The following SSPN variants were observed in gnomAD, a reference collection of about 807,000 sequenced individuals.
SSPN encodes the protein K-ras oncogene-associated protein.
SSPN carries 15 observed loss-of-function variants against 19.1 expected under a neutral mutation model. The observed-to-expected ratio is 0.78, with a 90% CI of 0.52 to 1.21. The LOEUF (loss-of-function observed/expected upper bound fraction) is 1.21. Among genes scored for constraint, SSPN ranks in the 50% most tolerant of loss-of-function variants. The pLI, the probability that SSPN is intolerant of heterozygous loss-of-function variation, is 0.00. For synonymous variants in SSPN, 147 were observed against 140.3 expected, an observed-to-expected ratio of 1.05 and a Z score of -0.34; for missense variants, 291 against 314.0, an observed-to-expected ratio of 0.93 and a Z score of 0.55.
chr12:26,206,752 C>T (rs1591880972), intron 1 of SSPN, among the ~76,000 whole-genome samples: 1 of 152,298 alleles, frequency 6.6e-6, no homozygotes, highest in Non-Finnish European at 1.5e-5. Flanking sequence ...TCTGCCCCTC[C>T]TGTTGATTCA....
At chr12:26,218,349 GA>G (rs1565691762) in intron 1 of SSPN, among the ~76,000 whole-genome samples, 1 of 16,002 alleles carries the variant, frequency 6.2e-5, no homozygotes, top group African/African-American at 2.7e-4. Context: ...GGGGAGGGGG[GA>G]GGGGGGAGGG....
chr12:26,151,087 G>C (rs1461040812), intron 1 of SSPN, among the ~76,000 whole-genome samples: 1 of 152,058 alleles, frequency 6.6e-6, no homozygotes, highest in Non-Finnish European at 1.5e-5. Context: ...TTTTCGGGTG[G>C]AACTTAGGGA....
intron 1 of SSPN, among the ~76,000 whole-genome samples, chr12:26,217,790 T>C (rs1945071514): frequency 6.6e-6 from 1 of 151,844 alleles, no homozygotes; most frequent in Non-Finnish European, 1.5e-5. Flanking sequence ...CATGAAAGGT[T>C]GTTGAATTTT....
intron 1 of SSPN, among the ~76,000 whole-genome samples, chr12:26,154,958 G>A (rs1944547132): frequency 6.6e-6 from 1 of 152,152 alleles, no homozygotes; most frequent in South Asian, 2.1e-4. Context: ...TAATGACAGA[G>A]AAAACAATCT....
chr12:26,165,647 T>G (rs1944616287), intron 1 of SSPN, among the ~76,000 whole-genome samples: 1 of 152,228 alleles, frequency 6.6e-6, no homozygotes, highest in Non-Finnish European at 1.5e-5. Flanking sequence ...CATGAAATTT[T>G]GAGTTAGTTT....
intron 1 of SSPN, among the ~76,000 whole-genome samples, chr12:26,198,419 A>G (rs752259763): frequency 1.3e-5 from 2 of 152,228 alleles, no homozygotes; most frequent in African/African-American, 2.4e-5. Context: ...CTTTACTAAC[A>G]AAATCAGAAT....
intron 1 of SSPN, among the ~76,000 whole-genome samples, chr12:26,166,204 G>T (rs1037386169): frequency 1.3e-5 from 2 of 151,994 alleles, no homozygotes; most frequent in African/African-American, 4.8e-5. Flanking sequence ...AAACCACCAT[G>T]GCACGTGTAT....
Position 26,231,552 on chromosome 12 carries a change from C to T in SSPN, c.*476C>T, listed in dbSNP as rs1158356717. 1 of 154,408 alleles carries T rather than the reference C, an allele frequency of 6.5e-6. No individual in the cohort carries two copies. The highest frequency in any genetic ancestry group is 1.4e-5 in the Non-Finnish European group (1 of 69,728). 9.6% of individuals were successfully genotyped at this position (154,408 alleles called of 1,614,324 possible). On this transcript the variant is annotated 3_prime_UTR_variant, in exon 3 of 3. Coordinates refer to ENST00000242729, the MANE Select transcript of SSPN (RefSeq NM_005086.5). ...AGACAGGCAGGAGGTGGGGGAAGAGCTGAATCTCTTTATTTTCCCTGGTAG... is the reference window on the plus strand; with the variant it reads ...AGACAGGCAGGAGGTGGGGGAAGAGTTGAATCTCTTTATTTTCCCTGGTAG...
intron 1 of SSPN, among the ~76,000 whole-genome samples, chr12:26,147,267 G>GTTT (rs1272390154): frequency 7.6e-6 from 1 of 132,120 alleles, no homozygotes; most frequent in African/African-American, 2.5e-5. Flanking sequence ...AATTTTTGGG[G>GTTT]TTTTTTTTGT....
At chr12:26,215,190 C>G (rs1348311839) in intron 1 of SSPN, among the ~76,000 whole-genome samples, 1 of 152,066 alleles carries the variant, frequency 6.6e-6, no homozygotes, top group Admixed American at 6.6e-5. Context: ...AGAGTGATAC[C>G]TAGATTAGGG....
chr12:26,196,001 G>T, intron 1 of SSPN, 50 bp downstream of exon 1: 1 of 1,386,150 alleles, frequency 7.2e-7, no homozygotes, highest in Non-Finnish European at 9.5e-7. Flanking sequence ...ACAGGAATGC[G>T]AAGTCGCATG....
At chr12:26,166,440 A>C (rs1944621720) in intron 1 of SSPN, among the ~76,000 whole-genome samples, 1 of 152,226 alleles carries the variant, frequency 6.6e-6, no homozygotes, top group Admixed American at 6.5e-5. Flanking sequence ...CAAAATTACC[A>C]GCTAAAAAAC....
chr12:26,173,661 A>G (rs868395906), intron 1 of SSPN, among the ~76,000 whole-genome samples: 2 of 152,310 alleles, frequency 1.3e-5, no homozygotes, highest in Middle Eastern at 3.4e-3. Context: ...ATGTTCAATC[A>G]TCGTCTTTTA....
At chr12:26,122,484 G>C in intron 1 of SSPN, 1 of 1,332,634 alleles carries the variant, frequency 7.5e-7, no homozygotes, top group Non-Finnish European at 9.7e-7. Flanking sequence ...GAAGGGGGCC[G>C]CGGCGGCCGC....
chr12:26,170,197 A>T (rs1007434946), intron 1 of SSPN, among the ~76,000 whole-genome samples: 1 of 152,250 alleles, frequency 6.6e-6, no homozygotes, highest in African/African-American at 2.4e-5. Flanking sequence ...TAGTGAAATT[A>T]AAAACCTGCA....
At chr12:26,125,077 G>C (rs1485046588) in intron 1 of SSPN, 1 of 488,662 alleles carries the variant, frequency 2.0e-6, no homozygotes, top group African/African-American at 2.0e-5. Flanking sequence ...CCAGCACCCA[G>C]CTCACGTGCG....
At chr12:26,134,504 T>C (rs1944414300) in intron 1 of SSPN, among the ~76,000 whole-genome samples, 1 of 152,238 alleles carries the variant, frequency 6.6e-6, no homozygotes, top group South Asian at 2.1e-4. Flanking sequence ...TGTTTACTGC[T>C]GTATCCCCAG....
intron 1 of SSPN, chr12:26,122,736 GC>G: frequency 6.3e-7 from 1 of 1,589,670 alleles, no homozygotes. Flanking sequence ...GACGCGGCTC[GC>G]CCCCGCGCCT....
intron 1 of SSPN, among the ~76,000 whole-genome samples, chr12:26,153,552 T>C (rs570041630): frequency 1.7e-4 from 26 of 152,210 alleles, no homozygotes; most frequent in Non-Finnish European, 3.4e-4. Context: ...AAATATTTTT[T>C]GAATGAATGT....
Sources: gnomAD v4.1 joint callset for allele counts (sites outside exome capture counted in the v4.1 genomes callset) on GRCh38, gnomAD v4.1.1 for gene constraint, MANE v1.5 for transcripts, NCBI Gene and HGNC (gene_info 2026-07-23, HGNC 2026-07-21) for gene names.